Variants in KCNG2 observed in about 807,000 individuals in gnomAD.
KCNG2 encodes the protein potassium voltage-gated channel modifier subfamily G member 2.
KCNG2 carries 7 observed loss-of-function variants against 12.3 expected under a neutral mutation model. The ratio of observed to expected loss-of-function variants is 0.57; its 90% CI spans 0.32 to 1.07. The LOEUF is 1.07. Ranked by LOEUF, KCNG2 falls within the 50% of genes least tolerant of loss-of-function variation. The pLI, the probability that KCNG2 is intolerant of heterozygous loss-of-function variation, is 0.04. For missense variants in KCNG2, 703 were observed against 726.0 expected (o/e 0.97, Z 0.36); for synonymous variants, 414 against 351.4 (o/e 1.18, Z -1.99).
intron 2 of KCNG2, among the ~76,000 whole-genome samples, 79 bp downstream of exon 2, chr18:79,856,531 C>G (rs918088382): frequency 6.6e-6 from 1 of 152,194 alleles, no homozygotes; most frequent in Non-Finnish European, 1.5e-5. Context: ...GAGAGAGGGT[C>G]TTCTTGGTGG....
chr18:79,874,488 C>T (rs1979988652), intron 3 of KCNG2, among the ~76,000 whole-genome samples: 1 of 152,196 alleles, frequency 6.6e-6, no homozygotes, highest in Non-Finnish European at 1.5e-5. Flanking sequence ...TGGACTCTCA[C>T]AAAATAATCT....
intron 1 of KCNG2, among the ~76,000 whole-genome samples, chr18:79,844,149 T>C (rs1263744696): frequency 6.6e-6 from 1 of 152,160 alleles, no homozygotes; most frequent in African/African-American, 2.4e-5. Context: ...ATAGCCAAGA[T>C]ATGAAATCCA....
Position 79,853,311 on chromosome 18 carries a change from T to C in KCNG2, c.-114-3068T>C, listed in dbSNP as rs371036976. Among the ~76,000 whole-genome samples the C allele has an allele frequency of 2.0e-4, 31 of 152,230 alleles. 1 individual carries two copies. In the East Asian group the frequency reaches 3.9e-3, roughly 19 times the overall value. The stretch of plus-strand genomic sequence containing the variant: ...CTGGGCTTCAGCGTGAACCAAGTGG[T>C]GCAGGTGAGTCTGACGAGAGGTCAG... On this transcript the variant is annotated intron_variant, in intron 1 of 3. Transcript: ENST00000316249.
chr18:79,838,254 A>T (rs1978360471), intron 1 of KCNG2, among the ~76,000 whole-genome samples: 1 of 152,186 alleles, frequency 6.6e-6, no homozygotes, highest in South Asian at 2.1e-4. Context: ...GTATACCATA[A>T]AACAAATCTC....
chr18:79,871,729 C>A (rs868465408), intron 3 of KCNG2, among the ~76,000 whole-genome samples: 2 of 152,188 alleles, frequency 1.3e-5, no homozygotes, highest in Non-Finnish European at 2.9e-5. Flanking sequence ...AGAGCCTCTG[C>A]GTCCGTCTGC....
Position 79,800,090 on chromosome 18 carries a change from G to C in KCNG2, c.-115+2076G>C. Among the ~76,000 whole-genome samples, 1 of 152,168 alleles carries C rather than the reference G, an allele frequency of 6.6e-6. No individual in the cohort carries two copies. ...CTCAGGCAGGCACCTGGAGGGCAGC[G>C]CGAACGGAGGGCTGTTTGTCGTGGG... is the stretch of plus-strand genomic sequence containing the variant. On this transcript the variant is annotated intron_variant, in intron 1 of 3. Transcript: ENST00000316249. The surrounding 1 kb of genome is among the most constrained non-coding windows in gnomAD (Gnocchi z 4.0).
At position 79,803,135 on chromosome 18, in the gene KCNG2, G is replaced by C. The variant is rs1054703381; in HGVS notation, c.-115+5121G>C. On this transcript the variant is annotated intron_variant, in intron 1 of 3. Coordinates refer to ENST00000316249, the MANE Select transcript of KCNG2 (RefSeq NM_012283.2). The surrounding 1 kb of genome is among the most constrained non-coding windows in gnomAD (Gnocchi z 4.5). ...GGAGCTTGCAGTGAGCCGAGATCGC[G>C]CCACTGCACTCCAGCCTGGGTGACA... 2.0e-5 allele frequency among the ~76,000 whole-genome samples: 3 copies of C among 152,120 alleles called. No individual in the cohort carries two copies. Among genetic ancestry groups the C allele is most frequent in the Non-Finnish European group, 4.4e-5 (3 of 68,010 alleles).
intron 1 of KCNG2, among the ~76,000 whole-genome samples, chr18:79,815,882 G>T (rs1389445430): frequency 6.6e-6 from 1 of 152,230 alleles, no homozygotes; most frequent in Admixed American, 6.5e-5. Flanking sequence ...CTGCCACAGG[G>T]GGGTGGCAGC....
intron 3 of KCNG2, among the ~76,000 whole-genome samples, chr18:79,889,248 CTCCT>C (rs1980662430): frequency 1.3e-5 from 2 of 152,318 alleles, no homozygotes; most frequent in East Asian, 3.9e-4. Flanking sequence ...TACCCCAAGT[CTCCT>C]TCTAAAGTTC....
At chr18:79,815,680 C>A (rs375869857) in intron 1 of KCNG2, among the ~76,000 whole-genome samples, 4 of 152,334 alleles carry the variant, frequency 2.6e-5, no homozygotes, top group Admixed American at 2.6e-4. Flanking sequence ...CTAAACCATT[C>A]TGTCTGGAGC....
At chr18:79,816,852 C>T (rs892547728) in intron 1 of KCNG2, among the ~76,000 whole-genome samples, 1 of 152,182 alleles carries the variant, frequency 6.6e-6, no homozygotes, top group Non-Finnish European at 1.5e-5. Flanking sequence ...CAGAAGTTAC[C>T]GATTGTGTTA....
intron 1 of KCNG2, among the ~76,000 whole-genome samples, chr18:79,812,354 A>G (rs983019103): frequency 6.6e-6 from 1 of 152,218 alleles, no homozygotes; most frequent in African/African-American, 2.4e-5. Context: ...TATTAATAAT[A>G]TGTTACAAAA....
chr18:79,887,666 A>G (rs1980578069), intron 3 of KCNG2, among the ~76,000 whole-genome samples: 1 of 152,188 alleles, frequency 6.6e-6, no homozygotes, highest in Admixed American at 6.5e-5. Context: ...TCACAGCCCC[A>G]GTGGTTCAGA....
At chr18:79,860,461 TAGTTTTC>T (rs1199766534) in intron 2 of KCNG2, among the ~76,000 whole-genome samples, 1 of 152,258 alleles carries the variant, frequency 6.6e-6, no homozygotes, top group Non-Finnish European at 1.5e-5. Context: ...CCAATGTTTG[TAGTTTTC>T]AGTTTTCAGT....
At chr18:79,877,811 A>G (rs955194296) in intron 3 of KCNG2, among the ~76,000 whole-genome samples, 1 of 152,192 alleles carries the variant, frequency 6.6e-6, no homozygotes, top group Non-Finnish European at 1.5e-5. Context: ...GGCGGACACC[A>G]TGTCAGCGGA....
At chr18:79,817,843 G>C (rs1292145659) in intron 1 of KCNG2, among the ~76,000 whole-genome samples, 1 of 152,216 alleles carries the variant, frequency 6.6e-6, no homozygotes, top group Non-Finnish European at 1.5e-5. Context: ...CTGACTGTGA[G>C]GACCCCTCTC....
intron 2 of KCNG2, among the ~76,000 whole-genome samples, chr18:79,858,801 A>G (rs1979113760): frequency 6.6e-6 from 1 of 151,928 alleles, no homozygotes; most frequent in Admixed American, 6.6e-5. Context: ...TGTAGTTTTA[A>G]TTTACGTTTC....
At chr18:79,837,848 G>A (rs1050133410) in intron 1 of KCNG2, among the ~76,000 whole-genome samples, 3 of 152,066 alleles carry the variant, frequency 2.0e-5, no homozygotes, top group African/African-American at 2.4e-5. Context: ...AAGTATCTTT[G>A]TAGCAGTGCC....
chr18:79,850,316 C>G (rs1391523926), intron 1 of KCNG2, among the ~76,000 whole-genome samples: 2 of 152,276 alleles, frequency 1.3e-5, no homozygotes, highest in South Asian at 4.1e-4. Context: ...TATTCTGTTC[C>G]TTGAATATCT....
Sources: allele counts gnomAD v4.1 joint callset (sites outside exome capture counted in the v4.1 genomes callset), GRCh38; gene constraint gnomAD v4.1.1; non-coding constraint Gnocchi (gnomAD v3.1); transcripts MANE v1.5; gene names NCBI Gene and HGNC (gene_info 2026-07-23, HGNC 2026-07-21).